The following CACNA1B variants were observed in gnomAD, a reference collection of about 807,000 sequenced individuals.
The protein encoded by CACNA1B is calcium voltage-gated channel subunit alpha1 B, also known as voltage-dependent N-type calcium channel subunit alpha-1B.
In CACNA1B, 70 loss-of-function variants were observed where a neutral mutation model predicts 247.2. That is an observed-to-expected ratio of 0.28 (90% CI 0.23 to 0.35). CACNA1B has a LOEUF of 0.35. CACNA1B is among the 10% of genes least tolerant of loss of function. The pLI, the probability that CACNA1B is intolerant of heterozygous loss-of-function variation, is 1.00. For synonymous variants in CACNA1B, 1,231 were observed against 1,294.4 expected, an observed-to-expected ratio of 0.95 and a Z score of 1.05; for missense variants, 2,367 against 3,197.4, an observed-to-expected ratio of 0.74 and a Z score of 6.26.
intron 10 of CACNA1B, among the ~76,000 whole-genome samples, chr9:137,960,218 CG>C (rs1313989323): frequency 1.9e-4 from 3 of 16,178 alleles, no homozygotes; most frequent in Non-Finnish European, 3.9e-4. Context: ...GAGGGAAGGT[CG>C]GCCGGAGGGA....
Position 138,118,049 on chromosome 9 carries a change from A to G in CACNA1B, c.5881A>G (p.Thr1961Ala). ...GCCACCCCTGGAGCGTGGCCACTCCACAGAGATCCCTGTGGGGCGGTCAGG... is the reference window on the plus strand; with the variant it reads ...GCCACCCCTGGAGCGTGGCCACTCCGCAGAGATCCCTGTGGGGCGGTCAGG... ...ARPPLERGHSTEIPVGRSGAL... is the reference protein window; with the variant it reads ...ARPPLERGHSAEIPVGRSGAL... Residue 1961 changes from threonine (T) to alanine (A), a missense_variant, in exon 43 of 47, where the codon ACA becomes GCA. Around this residue, in one of 12 missense-constraint regions of CACNA1B, gnomAD observed 773 missense variants for 779.4 expected, o/e 0.99. Transcript: ENST00000371372. 6.3e-7 allele frequency: 1 copy of G among 1,593,512 alleles called. No homozygotes were observed. The highest frequency in any genetic ancestry group is 8.5e-7 in the Non-Finnish European group (1 of 1,169,980).
intron 3 of CACNA1B, among the ~76,000 whole-genome samples, chr9:137,902,315 G>A (rs534217203): frequency 6.6e-6 from 1 of 152,254 alleles, no homozygotes; most frequent in South Asian, 2.1e-4. Context: ...AACTAGGGGT[G>A]GAGTGAGAGG....
In CACNA1B at chr9:137,888,103, G is replaced by A. The variant is rs141198899; in HGVS notation, c.530+5220G>A. Among the ~76,000 whole-genome samples the A allele has an allele frequency of 3.2e-4, 48 of 151,578 alleles. No individual in the cohort carries two copies. In the East Asian group the frequency reaches 8.6e-3, roughly 27 times the overall value. Reference sequence around the variant, plus strand: ...TGGGTGCTGGGGGCACAGTGTAGACGGTAGGGAAGGAGAGTGGGAGCCGGA... The same window carrying A: ...TGGGTGCTGGGGGCACAGTGTAGACAGTAGGGAAGGAGAGTGGGAGCCGGA... On this transcript the variant is annotated intron_variant, in intron 3 of 46. Coordinates refer to ENST00000371372, the MANE Select transcript of CACNA1B (RefSeq NM_000718.4). The surrounding 1 kb of genome is among the most constrained non-coding windows in gnomAD (Gnocchi z 4.7).
chr9:138,075,104 G>C (rs1243605443), intron 34 of CACNA1B, among the ~76,000 whole-genome samples: 4 of 152,246 alleles, frequency 2.6e-5, no homozygotes, highest in Non-Finnish European at 5.9e-5. Flanking sequence ...AGGGACCCGA[G>C]TGTTAATTTG....
intron 35 of CACNA1B, among the ~76,000 whole-genome samples, chr9:138,077,679 G>A (rs745481429): frequency 1.2e-4 from 18 of 152,194 alleles, no homozygotes; most frequent in Non-Finnish European, 1.8e-4. Context: ...GCCTGGCTGT[G>A]TTTTGAAGGC....
chr9:138,093,671 T>A (rs1361811219), intron 36 of CACNA1B, among the ~76,000 whole-genome samples: 2 of 151,482 alleles, frequency 1.3e-5, no homozygotes, highest in Non-Finnish European at 2.9e-5. Flanking sequence ...ACCTGGGAGG[T>A]GGAGGCTGCA....
At chr9:138,077,415 G>C (rs775011458) in intron 35 of CACNA1B, among the ~76,000 whole-genome samples, 1 of 152,226 alleles carries the variant, frequency 6.6e-6, no homozygotes, top group African/African-American at 2.4e-5. Flanking sequence ...AGCTGGAACC[G>C]AGATGGGGGT....
At chr9:138,068,199 A>G (rs551099680) in intron 31 of CACNA1B, among the ~76,000 whole-genome samples, 1 of 152,308 alleles carries the variant, frequency 6.6e-6, no homozygotes. Flanking sequence ...GTAAAGCTGA[A>G]AAGACAAGCC....
chr9:138,117,850 G>A, intron 42 of CACNA1B, 96 bp from the exon 43 acceptor site: 1 of 954,910 alleles, frequency 1.0e-6, no homozygotes, highest in African/African-American at 1.7e-5. Context: ...TCTGCTGCAT[G>A]TGTTGGAGAC....
chr9:138,015,345 C>T (rs7023369), intron 18 of CACNA1B, among the ~76,000 whole-genome samples: 45,818 of 152,090 alleles, frequency 0.3, 9,654 homozygotes, highest in East Asian at 0.64. Flanking sequence ...AGGGGTTTCC[C>T]TCAAGGAGGG....
At chr9:138,000,794 C>T (rs182083149) in intron 15 of CACNA1B, among the ~76,000 whole-genome samples, 71 of 152,250 alleles carry the variant, frequency 4.7e-4, no homozygotes, top group Admixed American at 2.9e-3. Context: ...CTAATGTCTC[C>T]CCAGTGAAAG....
At chr9:137,975,886 C>T (rs1276440482) in intron 11 of CACNA1B, 21 bp from the exon 12 acceptor site, 4 of 1,487,068 alleles carry the variant, frequency 2.7e-6, no homozygotes, top group African/African-American at 2.8e-5. Context: ...GCTAATCCCC[C>T]TCTTCTCCGG....
rs202180196 is a variant in CACNA1B at position 138,013,188 on chromosome 9, A to G, written c.2220A>G (p.Glu740=). The part of the protein sequence containing the change: ...NQKLALQKAK[E]VAEVSPMSAA... Reference sequence around the variant, plus strand: ...AGCTTGCTCTGCAAAAGGCCAAAGAAGTGGCTGAAGTCAGCCCCATGTCTG... The same window carrying G: ...AGCTTGCTCTGCAAAAGGCCAAAGAGGTGGCTGAAGTCAGCCCCATGTCTG... The change falls in exon 18 of 47, where the codon GAA becomes GAG. Residue 740 remains glutamate, a synonymous_variant. Transcript: ENST00000371372. 1.6e-4 allele frequency: 264 copies of G among 1,610,924 alleles called. No homozygotes were observed. The highest frequency in any genetic ancestry group is 2.2e-4 in the Non-Finnish European group (262 of 1,178,570).
In CACNA1B at chr9:137,914,689, A is replaced by G; in HGVS notation, c.658A>G (p.Met220Val). The G allele has an allele frequency of 6.2e-7, 1 of 1,613,956 alleles. No individual in the cohort carries two copies. The highest frequency in any genetic ancestry group is 8.5e-7 in the Non-Finnish European group (1 of 1,179,862). Residue 220 changes from methionine to valine, a missense_variant, in exon 5 of 47, where the codon ATG becomes GTG. By Grantham distance (21) the Met-to-Val change is conservative. This residue lies in a region of CACNA1B where 130 missense variants were observed against 338.7 expected (regional missense o/e 0.38). Transcript: ENST00000371372. The surrounding 1 kb of genome is among the most constrained non-coding windows in gnomAD (Gnocchi z 4.3). ...QVVLKSIMKA[M>V]VPLLQIGLLL... Reference sequence around the variant, plus strand: ...GGTGCTCAAGTCCATCATGAAGGCCATGGTTCCACTCCTGCAGATTGGGCT... The same window carrying G: ...GGTGCTCAAGTCCATCATGAAGGCCGTGGTTCCACTCCTGCAGATTGGGCT...
intron 39 of CACNA1B, among the ~76,000 whole-genome samples, chr9:138,110,530 C>T (rs1396786962): frequency 1.3e-5 from 2 of 152,070 alleles, no homozygotes; most frequent in African/African-American, 4.8e-5. Flanking sequence ...AGTTCAAGAC[C>T]AGCCTGGACA....
At position 137,986,999 on chromosome 9, in the gene CACNA1B, G is replaced by A. The variant is rs540320452; in HGVS notation, c.1974+145G>A. The A allele has an allele frequency of 2.5e-4, 189 of 762,784 alleles. 1 individual carries two copies. The highest frequency in any genetic ancestry group is 2.4e-3 in the African/African-American group (142 of 58,864). 47.3% of individuals were successfully genotyped at this position (762,784 alleles called of 1,614,324 possible). On this transcript the variant is annotated intron_variant, in intron 15 of 46. Coordinates refer to ENST00000371372, the MANE Select transcript of CACNA1B (RefSeq NM_000718.4). The surrounding 1 kb of genome is among the most constrained non-coding windows in gnomAD (Gnocchi z 6.0). ...TTTTCAGACACAGTGTTCCTCAAAC[G>A]AGGGAAGCACAGGCAGTCAGCAACC... is the stretch of plus-strand genomic sequence containing the variant.
At chr9:138,089,361 A>G (rs1474136812) in intron 36 of CACNA1B, among the ~76,000 whole-genome samples, 1 of 152,254 alleles carries the variant, frequency 6.6e-6, no homozygotes, top group Non-Finnish European at 1.5e-5. Context: ...AGGATGGTTC[A>G]ACATAAGTAA....
At chr9:137,949,530 T>C (rs1487810544) in intron 6 of CACNA1B, among the ~76,000 whole-genome samples, 1 of 150,498 alleles carries the variant, frequency 6.6e-6, no homozygotes, top group Non-Finnish European at 1.5e-5. Context: ...GTGTGATGTG[T>C]GTCTGTGTGT....
intron 37 of CACNA1B, among the ~76,000 whole-genome samples, chr9:138,098,341 A>C (rs941340961): frequency 6.6e-6 from 1 of 152,226 alleles, no homozygotes; most frequent in Admixed American, 6.5e-5. Flanking sequence ...GGCAAAGGGC[A>C]GGAGAGACTC....
Sources: allele counts gnomAD v4.1 joint callset (sites outside exome capture counted in the v4.1 genomes callset), GRCh38; gene constraint gnomAD v4.1.1; regional missense constraint gnomAD v4.1.1; non-coding constraint Gnocchi (gnomAD v3.1); transcripts MANE v1.5; gene names NCBI Gene and HGNC (gene_info 2026-07-23, HGNC 2026-07-21).